Variants in LSAMP observed in about 807,000 individuals in gnomAD.
LSAMP encodes limbic system associated membrane protein.
LSAMP carries 7 observed loss-of-function variants against 38.6 expected under a neutral mutation model. The observed-to-expected ratio is 0.18, with a 90% CI of 0.10 to 0.34. LSAMP has a LOEUF of 0.34. Ranked by LOEUF, LSAMP falls within the 10% of genes least tolerant of loss-of-function variation. The pLI is 1.00. For missense variants in LSAMP, 313 were observed against 420.0 expected (o/e 0.75, Z 2.23); for synonymous variants, 154 against 166.8 (o/e 0.92, Z 0.59).
intron 1 of LSAMP, among the ~76,000 whole-genome samples, chr3:116,163,063 ATCT>A: frequency 6.6e-6 from 1 of 151,364 alleles, no homozygotes; most frequent in African/African-American, 2.4e-5. Context: ...AATGAAGAAG[ATCT>A]TTTTTTTTAA....
chr3:116,416,925 G>C (rs1243458542), intron 1 of LSAMP, among the ~76,000 whole-genome samples: 1 of 152,144 alleles, frequency 6.6e-6, no homozygotes, highest in Non-Finnish European at 1.5e-5. Context: ...TGAAGAGGCA[G>C]AAAGGAAGGA....
intron 3 of LSAMP, among the ~76,000 whole-genome samples, chr3:115,884,740 G>A (rs947031138): frequency 6.6e-6 from 1 of 151,992 alleles, no homozygotes; most frequent in Admixed American, 6.6e-5. Context: ...AAATATACAC[G>A]CTTTAGCAGA....
At chr3:115,824,274 G>A (rs1486744060) in intron 6 of LSAMP, among the ~76,000 whole-genome samples, 1 of 152,170 alleles carries the variant, frequency 6.6e-6, no homozygotes, top group Non-Finnish European at 1.5e-5. Context: ...TGCAGTTTCT[G>A]TCTTAAAGAA....
At chr3:116,164,282 C>A (rs1232254683) in intron 1 of LSAMP, among the ~76,000 whole-genome samples, 6 of 151,942 alleles carry the variant, frequency 3.9e-5, no homozygotes, top group Non-Finnish European at 5.9e-5. Context: ...GATAGAGCAA[C>A]AGAATCTGCT....
intron 3 of LSAMP, among the ~76,000 whole-genome samples, chr3:115,983,351 GA>G (rs900552420): frequency 2.6e-5 from 4 of 151,720 alleles, no homozygotes; most frequent in Non-Finnish European, 5.9e-5. Flanking sequence ...ATCTCTAAAA[GA>G]AAAAAATAAT....
Position 115,809,555 on chromosome 3 carries a change from T to C in LSAMP, c.*762A>G, listed in dbSNP as rs2972475. 0.41 allele frequency: 62,791 copies of C among 152,328 alleles called. 13,101 individuals carry two copies. Among genetic ancestry groups the C allele is most frequent in the Middle Eastern group, 0.52 (154 of 296 alleles). The allele number at this position is 152,328 out of a possible 1,614,324, so 9.4% of individuals were successfully genotyped here. On this transcript the variant is annotated 3_prime_UTR_variant, in exon 7 of 7. Coordinates refer to ENST00000490035, the MANE Select transcript of LSAMP (RefSeq NM_002338.5). ...AGAGACACACACACGCTCACACACA[T>C]GTACACCCACGTGAGAGCGAAAGAC... is the stretch of plus-strand genomic sequence containing the variant.
intron 6 of LSAMP, among the ~76,000 whole-genome samples, chr3:115,818,862 C>T (rs571602719): frequency 7.6e-6 from 1 of 132,382 alleles, no homozygotes; most frequent in Admixed American, 8.2e-5. Context: ...GAGATTCTAG[C>T]ACAAAAAAAG....
chr3:116,170,991 T>C (rs1710183786), intron 1 of LSAMP, among the ~76,000 whole-genome samples: 3 of 152,082 alleles, frequency 2.0e-5, no homozygotes, highest in African/African-American at 7.2e-5. Flanking sequence ...AAGAATTGGG[T>C]TGTATGCAGG....
chr3:116,109,235 A>T (rs980003729), intron 1 of LSAMP, among the ~76,000 whole-genome samples: 4 of 152,182 alleles, frequency 2.6e-5, no homozygotes, highest in African/African-American at 9.7e-5. Flanking sequence ...ATTGCTGGGC[A>T]GGTGGGGGAG....
intron 1 of LSAMP, among the ~76,000 whole-genome samples, chr3:116,235,075 T>C (rs1310214405): frequency 3.3e-5 from 5 of 152,236 alleles, no homozygotes; most frequent in Non-Finnish European, 7.4e-5. Context: ...GCCATTATAG[T>C]ATAGAAAATA....
At chr3:116,421,663 C>T (rs1402316554) in intron 1 of LSAMP, among the ~76,000 whole-genome samples, 1 of 152,000 alleles carries the variant, frequency 6.6e-6, no homozygotes, top group Non-Finnish European at 1.5e-5. Flanking sequence ...ATACGAATGG[C>T]TGATAAGTAC....
At chr3:115,861,160 T>G (rs967701985) in intron 3 of LSAMP, among the ~76,000 whole-genome samples, 4 of 110,524 alleles carry the variant, frequency 3.6e-5, no homozygotes, top group Non-Finnish European at 5.4e-5. Context: ...CTTCCTTCCT[T>G]CCTTCCTTCC....
chr3:116,002,629 G>A (rs1021794631), intron 3 of LSAMP, among the ~76,000 whole-genome samples: 4 of 152,202 alleles, frequency 2.6e-5, no homozygotes, highest in Non-Finnish European at 4.4e-5. Context: ...CCAAGGGGTA[G>A]TGGAGGTTAC....
At chr3:116,188,073 A>T (rs1350147787) in intron 1 of LSAMP, among the ~76,000 whole-genome samples, 1 of 152,078 alleles carries the variant, frequency 6.6e-6, no homozygotes, top group African/African-American at 2.4e-5. Context: ...TATGCAAATC[A>T]TTCCAACACA....
At chr3:116,008,669 C>T (rs948378129) in intron 3 of LSAMP, among the ~76,000 whole-genome samples, 2 of 151,844 alleles carry the variant, frequency 1.3e-5, no homozygotes, top group African/African-American at 4.9e-5. Context: ...TATAACCCCA[C>T]CCCCACTCCC....
At chr3:116,166,875 G>C (rs1454940528) in intron 1 of LSAMP, among the ~76,000 whole-genome samples, 2 of 143,546 alleles carry the variant, frequency 1.4e-5, no homozygotes, top group Non-Finnish European at 3.0e-5. Flanking sequence ...ACTGCAAGCT[G>C]CACCTCCTGG....
chr3:116,278,336 CCTG>C (rs2047081306), intron 1 of LSAMP, among the ~76,000 whole-genome samples: 1 of 152,060 alleles, frequency 6.6e-6, no homozygotes, highest in Admixed American at 6.5e-5. Context: ...GTTTCCTCTT[CCTG>C]CTATTTACTA....
intron 3 of LSAMP, among the ~76,000 whole-genome samples, chr3:115,985,071 GC>G (rs1489041345): frequency 6.6e-6 from 1 of 152,150 alleles, no homozygotes. Context: ...GAGCCAAAAG[GC>G]TTTTATTTAG....
chr3:115,813,340 A>C (rs542976226), intron 6 of LSAMP, among the ~76,000 whole-genome samples: 1 of 152,244 alleles, frequency 6.6e-6, no homozygotes, highest in South Asian at 2.1e-4. Context: ...CTATAGTAAC[A>C]TGCTTACAGG....
Sources: allele counts gnomAD v4.1 joint callset (sites outside exome capture counted in the v4.1 genomes callset), GRCh38; gene constraint gnomAD v4.1.1; transcripts MANE v1.5; gene names NCBI Gene and HGNC (gene_info 2026-07-23, HGNC 2026-07-21).